THADA: variants seen among roughly 807,000 people sequenced by gnomAD.
THADA encodes the protein tRNA (32-2'-O)-methyltransferase regulator THADA.
Under a neutral mutation model 219.8 loss-of-function variants are expected in THADA, and 213 were observed. That is an observed-to-expected ratio of 0.97 (90% CI 0.87 to 1.09). The LOEUF (loss-of-function observed/expected upper bound fraction) is 1.09, where lower values mean the gene tolerates loss of function less well. THADA is among the 50% of genes least tolerant of loss of function. THADA has a pLI of 0.00. For synonymous variants in THADA, 1,018 were observed against 828.9 expected (o/e 1.23, Z -3.92); for missense variants, 2,956 against 2,311.3 (o/e 1.28, Z -5.72).
intron 29 of THADA, among the ~76,000 whole-genome samples, chr2:43,365,929 TAGA>T (rs1029285188): frequency 6.6e-6 from 1 of 152,164 alleles, no homozygotes; most frequent in African/African-American, 2.4e-5. Context: ...CTCAACTTCC[TAGA>T]AGTTTATGAT....
chr2:43,421,737 C>A (rs1677749441), intron 28 of THADA, among the ~76,000 whole-genome samples: 1 of 152,310 alleles, frequency 6.6e-6, no homozygotes, highest in Non-Finnish European at 1.5e-5. Context: ...TCAGACATAA[C>A]ATCTCATAGG....
At chr2:43,538,816 T>G (rs1694942217) in intron 21 of THADA, among the ~76,000 whole-genome samples, 1 of 152,166 alleles carries the variant, frequency 6.6e-6, no homozygotes, top group African/African-American at 2.4e-5. Context: ...TTTGTGAATA[T>G]ATCACTGAAA....
intron 26 of THADA, among the ~76,000 whole-genome samples, chr2:43,442,394 C>A (rs1254204299): frequency 6.6e-6 from 1 of 152,116 alleles, no homozygotes; most frequent in Non-Finnish European, 1.5e-5. Context: ...CAAGATCACA[C>A]CACTGCACTC....
intron 22 of THADA, among the ~76,000 whole-genome samples, chr2:43,517,931 C>T (rs1170131101): frequency 3.3e-5 from 5 of 152,092 alleles, no homozygotes; most frequent in East Asian, 1.9e-4. Context: ...TAGATTTTGG[C>T]GTTAGTGGTT....
In THADA at chr2:43,552,215, C is replaced by G; in HGVS notation, c.2799G>C (p.Lys933Asn). 1 of 1,608,022 alleles carries G rather than the reference C, an allele frequency of 6.2e-7. No individual in the cohort carries two copies. Among genetic ancestry groups the G allele is most frequent in the South Asian group, 1.1e-5 (1 of 89,126 alleles). The change falls in exon 18 of 38, where the codon AAG (lysine) becomes AAC (asparagine). Residue 933 changes from lysine (K) to asparagine (N), a missense_variant. Physicochemically the swap from Lys to Asn is moderately conservative, Grantham distance 94. Coordinates refer to ENST00000405975, the MANE Select transcript of THADA (RefSeq NM_022065.5). ...GTGGAAATCCTTACTTTAGAGATAA[C>G]TTCTGCAAAGCTCCTGTTATACAGT... ...RVHCITGALQ[K>N]LSLNSLQLVS... is the part of the protein sequence containing the mutation.
At chr2:43,374,498 T>C (rs1671158505) in intron 29 of THADA, among the ~76,000 whole-genome samples, 1 of 152,138 alleles carries the variant, frequency 6.6e-6, no homozygotes, top group Admixed American at 6.5e-5. Context: ...AATAGTATTA[T>C]TACAAAGCAA....
At chr2:43,296,197 G>A (rs867121159) in intron 31 of THADA, among the ~76,000 whole-genome samples, 1 of 150,388 alleles carries the variant, frequency 6.6e-6, no homozygotes, top group Non-Finnish European at 1.5e-5. Context: ...GGATTACAGC[G>A]TGAGCCACCG....
At chr2:43,292,473 T>A (rs1227661475) in intron 32 of THADA, among the ~76,000 whole-genome samples, 1 of 152,202 alleles carries the variant, frequency 6.6e-6, no homozygotes, top group Non-Finnish European at 1.5e-5. Flanking sequence ...TCCTTTTGAT[T>A]ATGCTTCCCA....
intron 26 of THADA, among the ~76,000 whole-genome samples, chr2:43,432,669 T>C (rs1197741512): frequency 1.3e-5 from 2 of 152,188 alleles, no homozygotes; most frequent in Non-Finnish European, 2.9e-5. Context: ...ATTTCTACAG[T>C]CCTTTGAACA....
chr2:43,568,408 G>A (rs1252119612), intron 14 of THADA, among the ~76,000 whole-genome samples: 2 of 152,140 alleles, frequency 1.3e-5, no homozygotes, highest in Non-Finnish European at 2.9e-5. Flanking sequence ...ATGATGGTGT[G>A]ACGATTATAA....
At chr2:43,515,775 T>C (rs950731276) in intron 22 of THADA, among the ~76,000 whole-genome samples, 1 of 151,870 alleles carries the variant, frequency 6.6e-6, no homozygotes, top group African/African-American at 2.4e-5. Context: ...AAAAAGACAA[T>C]CTGAAATATA....
intron 7 of THADA, among the ~76,000 whole-genome samples, chr2:43,585,173 T>C (rs550639798): frequency 3.1e-4 from 47 of 151,988 alleles, no homozygotes; most frequent in African/African-American, 1.1e-3. Flanking sequence ...CTCCACTCAA[T>C]AGGCGCAGAC....
chr2:43,416,403 T>G (rs1573540436), intron 28 of THADA, among the ~76,000 whole-genome samples: 2 of 152,338 alleles, frequency 1.3e-5, no homozygotes, highest in South Asian at 4.1e-4. Context: ...CAGGCTTATT[T>G]ACACAGTAGC....
intron 25 of THADA, among the ~76,000 whole-genome samples, chr2:43,488,469 A>T (rs1285394531): frequency 6.6e-6 from 1 of 152,120 alleles, no homozygotes; most frequent in Non-Finnish European, 1.5e-5. Context: ...CACCTAGCAT[A>T]ATGTTCTCAA....
chr2:43,287,107 A>G (rs765560111), intron 34 of THADA, 46 bp from the exon 35 acceptor site: 22 of 1,562,058 alleles, frequency 1.4e-5, no homozygotes, highest in Non-Finnish European at 1.7e-5. Context: ...AGATGCAACA[A>G]GGGCTGACAC....
chr2:43,587,908 A>G (rs139913799), intron 4 of THADA, among the ~76,000 whole-genome samples: 1,713 of 152,352 alleles, frequency 0.011, 37 homozygotes, highest in African/African-American at 0.039. Context: ...ATTTATATAC[A>G]TCAAAACTGA....
At chr2:43,368,271 A>C (rs1450755769) in intron 29 of THADA, among the ~76,000 whole-genome samples, 1 of 152,206 alleles carries the variant, frequency 6.6e-6, no homozygotes, top group African/African-American at 2.4e-5. Flanking sequence ...GAGGTACAAA[A>C]GTTCATTTTA....
chr2:43,465,891 C>G (rs1232152728), intron 26 of THADA, among the ~76,000 whole-genome samples: 2 of 152,192 alleles, frequency 1.3e-5, no homozygotes, highest in African/African-American at 4.8e-5. Flanking sequence ...CCCCACCAGT[C>G]TGTTCCTCCT....
intron 36 of THADA, among the ~76,000 whole-genome samples, chr2:43,265,930 AACACACACACACACACACACACAC>A (rs56173099): frequency 0.013 from 1,593 of 124,806 alleles, 23 homozygotes; most frequent in East Asian, 0.079. Flanking sequence ...TTACTTTTGA[AACACACACACACACACACACACAC>A]ACACACACAC....
Sources: allele counts gnomAD v4.1 joint callset (sites outside exome capture counted in the v4.1 genomes callset), GRCh38; gene constraint gnomAD v4.1.1; transcripts MANE v1.5; gene names NCBI Gene and HGNC (gene_info 2026-07-23, HGNC 2026-07-21).